NDUFA10: variants seen among roughly 807,000 people sequenced by gnomAD.
The protein encoded by NDUFA10 is NADH:ubiquinone oxidoreductase subunit A10.
A neutral mutation model predicts 47.8 loss-of-function variants in NDUFA10; 40 were observed. The observed-to-expected ratio is 0.84, with a 90% confidence interval of 0.65 to 1.09. The LOEUF is 1.09. Among genes scored for constraint, NDUFA10 ranks in the 50% least tolerant of loss-of-function variants. The pLI, the probability that NDUFA10 is intolerant of heterozygous loss-of-function variation, is 0.00. For missense variants in NDUFA10, 413 were observed against 451.1 expected (o/e 0.92, Z 0.76); for synonymous variants, 183 against 172.2 (o/e 1.06, Z -0.49).
intron 4 of NDUFA10, among the ~76,000 whole-genome samples, chr2:239,923,731 GA>G (rs552281131): frequency 1.3e-5 from 2 of 149,018 alleles, no homozygotes; most frequent in Admixed American, 1.3e-4. Context: ...CACAGAGCAA[GA>G]AAAAAAAGAA....
chr2:239,932,398 G>A (rs757215866), intron 4 of NDUFA10, among the ~76,000 whole-genome samples: 4 of 152,258 alleles, frequency 2.6e-5, no homozygotes, highest in Non-Finnish European at 5.9e-5. Context: ...AAGCCTACAC[G>A]GTTACCATGC....
At chr2:239,914,259 A>C (rs1346229828) in intron 4 of NDUFA10, among the ~76,000 whole-genome samples, 2 of 151,040 alleles carry the variant, frequency 1.3e-5, no homozygotes, top group Non-Finnish European at 3.0e-5. Context: ...GAACACACAC[A>C]TATACATACA....
intron 9 of NDUFA10, chr2:239,983,507 C>A (rs747552751): frequency 6.3e-7 from 1 of 1,594,706 alleles, no homozygotes; most frequent in African/African-American, 1.3e-5. Flanking sequence ...AACAGTCAGA[C>A]AATTCTTACT....
At chr2:239,926,606 T>G (rs904811129) in intron 4 of NDUFA10, among the ~76,000 whole-genome samples, 3 of 97,588 alleles carry the variant, frequency 3.1e-5, no homozygotes, top group Non-Finnish European at 6.2e-5. Flanking sequence ...AGTGTACTCC[T>G]CCTACTTATA....
At chr2:239,951,248 G>A (rs1485221988) in intron 4 of NDUFA10, among the ~76,000 whole-genome samples, 1 of 152,228 alleles carries the variant, frequency 6.6e-6, no homozygotes, top group Non-Finnish European at 1.5e-5. Flanking sequence ...CACAGGGCGT[G>A]CGGGAGGGGC....
At chr2:239,899,846 GA>G (rs5839824) in intron 4 of NDUFA10, among the ~76,000 whole-genome samples, 16,792 of 151,766 alleles carry the variant, frequency 0.11, 1,169 homozygotes, top group Middle Eastern at 0.22. Flanking sequence ...CACCAGCCCA[GA>G]AAGCCCACCC....
At chr2:239,968,913 C>T (rs895066483) in intron 9 of NDUFA10, among the ~76,000 whole-genome samples, 2 of 152,236 alleles carry the variant, frequency 1.3e-5, no homozygotes, top group African/African-American at 4.8e-5. Flanking sequence ...TGCCTTGATA[C>T]TGGGCTAAGC....
chr2:239,929,833 C>T (rs1694131100), intron 4 of NDUFA10, among the ~76,000 whole-genome samples: 1 of 150,634 alleles, frequency 6.6e-6, no homozygotes, highest in Admixed American at 6.6e-5. Flanking sequence ...TGCTCCTCCG[C>T]CGGCCCTGCT....
In NDUFA10 at chr2:240,014,872, G is replaced by C. The variant is rs1344714444; in HGVS notation, c.548-12C>G. The stretch of plus-strand genomic sequence containing the variant: ...GTAGTGGTCCACACCTGGCACATAG[G>C]AGAAAGGGGCGCTGTCACCTACCAG... On this transcript the variant is annotated splice_polypyrimidine_tract_variant and intron_variant, in intron 4 of 9. Transcript: ENST00000252711. The C allele has an allele frequency of 3.7e-6, 6 of 1,614,142 alleles. No individual in the cohort carries two copies. In the South Asian group the frequency reaches 6.6e-5, roughly 18 times the overall value.
intron 1 of NDUFA10, among the ~76,000 whole-genome samples, chr2:240,023,529 A>G (rs1030248485): frequency 2.6e-5 from 4 of 152,234 alleles, no homozygotes; most frequent in Admixed American, 6.5e-5. Context: ...GAGTATATAC[A>G]TAAGATTGAC....
rs539682189 is a variant in NDUFA10 at position 240,022,688 on chromosome 2, A to C, written c.76-348T>G. Among the ~76,000 whole-genome samples, 47 of 152,230 alleles carry C rather than the reference A, an allele frequency of 3.1e-4. 1 individual carries two copies. The South Asian group carries it at 4.6e-3, about 15-fold the overall frequency. On this transcript the variant is annotated intron_variant, in intron 1 of 9. Transcript: ENST00000252711. ...GATGGACGGACAGACGGGAGGAAGA[A>C]AGACAGGGATGGAGGGAAGCTCAGG...
At chr2:239,930,697 C>T (rs563371783) in intron 4 of NDUFA10, among the ~76,000 whole-genome samples, 3 of 152,066 alleles carry the variant, frequency 2.0e-5, no homozygotes, top group Admixed American at 2.0e-4. Context: ...CACCGGGAGC[C>T]GGACCAGAGG....
At chr2:239,983,892 T>C (rs571642198) in intron 9 of NDUFA10, among the ~76,000 whole-genome samples, 1 of 152,198 alleles carries the variant, frequency 6.6e-6, no homozygotes, top group South Asian at 2.1e-4. Flanking sequence ...AAAAAGGACA[T>C]TAGGGAAAAA....
At chr2:239,911,201 T>C (rs1484802113) in intron 4 of NDUFA10, among the ~76,000 whole-genome samples, 1 of 152,152 alleles carries the variant, frequency 6.6e-6, no homozygotes, top group Non-Finnish European at 1.5e-5. Context: ...CCCGCCTCCC[T>C]GGAGGGAGTT....
intron 4 of NDUFA10, among the ~76,000 whole-genome samples, chr2:239,926,504 C>A (rs1222519263): frequency 6.6e-6 from 1 of 152,082 alleles, no homozygotes; most frequent in Non-Finnish European, 1.5e-5. Context: ...CTAGCACATG[C>A]AATTATGTAC....
chr2:240,017,828 G>A, intron 4 of NDUFA10: 1 of 1,561,764 alleles, frequency 6.4e-7, no homozygotes, highest in Non-Finnish European at 8.7e-7. Context: ...GCTTGCTTCG[G>A]CCTCCTCTTT....
At chr2:239,967,608 T>C (rs1167653606) in intron 9 of NDUFA10, among the ~76,000 whole-genome samples, 1 of 152,224 alleles carries the variant, frequency 6.6e-6, no homozygotes, top group Non-Finnish European at 1.5e-5. Context: ...ACTTCCTAAG[T>C]GCCCACAGGT....
At chr2:239,964,116 CAAG>C (rs1317602509) in intron 9 of NDUFA10, among the ~76,000 whole-genome samples, 1 of 152,138 alleles carries the variant, frequency 6.6e-6, no homozygotes, top group African/African-American at 2.4e-5. Context: ...GTCTCTGCAT[CAAG>C]AAGTGGTGGA....
chr2:239,999,405 G>A (rs965235634), intron 8 of NDUFA10, among the ~76,000 whole-genome samples: 3 of 152,164 alleles, frequency 2.0e-5, no homozygotes, highest in Admixed American at 2.0e-4. Flanking sequence ...TGCATCCGAG[G>A]GGCTCTACTG....
Sources: gnomAD v4.1 joint callset for allele counts (sites outside exome capture counted in the v4.1 genomes callset) on GRCh38, gnomAD v4.1.1 for gene constraint, MANE v1.5 for transcripts, NCBI Gene and HGNC (gene_info 2026-07-23, HGNC 2026-07-21) for gene names.